Variants in RPS6KA2 observed in about 807,000 individuals in gnomAD.
RPS6KA2 encodes the protein ribosomal protein S6 kinase A2.
A neutral mutation model predicts 91.8 loss-of-function variants in RPS6KA2; 42 were observed. The ratio of observed to expected loss-of-function variants is 0.46; its 90% CI spans 0.36 to 0.59. The LOEUF (loss-of-function observed/expected upper bound fraction) is 0.59. Among genes scored for constraint, RPS6KA2 ranks in the 20% least tolerant of loss-of-function variants. RPS6KA2 has a pLI of 0.00. For synonymous variants in RPS6KA2, 414 were observed against 393.6 expected (o/e 1.05, Z -0.61); for missense variants, 798 against 978.5 (o/e 0.82, Z 2.46).
chr6:166,830,826 C>T (rs1001855828), intron 2 of RPS6KA2, among the ~76,000 whole-genome samples: 9 of 152,200 alleles, frequency 5.9e-5, no homozygotes, highest in Admixed American at 1.3e-4. Context: ...CACAGCCTTC[C>T]GTCCTGGCAC....
At chr6:166,774,236 C>T (rs1778555339) in intron 2 of RPS6KA2, among the ~76,000 whole-genome samples, 1 of 152,214 alleles carries the variant, frequency 6.6e-6, no homozygotes, top group Non-Finnish European at 1.5e-5. Context: ...CGTGTGCTCA[C>T]AGCACCCCTG....
Position 166,697,057 on chromosome 6 carries a change from ATG to A in RPS6KA2, c.124-158275_124-158274del, listed in dbSNP as rs3071132. Among the ~76,000 whole-genome samples, 806 of 149,418 alleles carry A rather than the reference ATG, an allele frequency of 5.4e-3. 5 individuals carry two copies. The highest frequency in any genetic ancestry group is 0.015 in the African/African-American group (596 of 40,662). On this transcript the variant is annotated intron_variant, in intron 2 of 21. Coordinates refer to the RPS6KA2 transcript ENST00000503859. Reference sequence around the variant, plus strand: ...CAATAAAATCTGTGTGTGTATATATATGTGTGTGTGTGTGTGTGTGTGTATTT... The same window carrying A: ...CAATAAAATCTGTGTGTGTATATATATGTGTGTGTGTGTGTGTGTGTATTT...
chr6:166,806,110 A>T (rs949399288), intron 2 of RPS6KA2, among the ~76,000 whole-genome samples: 2 of 152,216 alleles, frequency 1.3e-5, no homozygotes, highest in African/African-American at 4.8e-5. Context: ...AATTGAACAG[A>T]GTCTAAGGTA....
chr6:166,761,204 C>A (rs1192407465), intron 2 of RPS6KA2, among the ~76,000 whole-genome samples: 1 of 152,106 alleles, frequency 6.6e-6, no homozygotes, highest in Non-Finnish European at 1.5e-5. Context: ...GCCACCGCAC[C>A]CGGCTAAATT....
rs982655972 is a variant in RPS6KA2, at chr6:166,612,503, T to A, written c.99+14418A>T. 7.9e-5 allele frequency among the ~76,000 whole-genome samples: 12 copies of A among 152,016 alleles called. No individual in the cohort carries two copies. The highest frequency in any genetic ancestry group is 2.9e-4 in the African/African-American group (12 of 41,372). On this transcript the variant is annotated intron_variant, in intron 1 of 20. Transcript: ENST00000265678. The surrounding 1 kb of genome is among the most constrained non-coding windows in gnomAD (Gnocchi z 4.3). ...TCGCGGGCTTGCAACCAGGCACTCT[T>A]CCTCTCTCCCTCCATGACAGACCAG...
rs894658978 is a variant in RPS6KA2 at position 166,726,260 on chromosome 6, G to C, written c.123+131940C>G. On this transcript the variant is annotated intron_variant, in intron 2 of 21. Coordinates refer to the RPS6KA2 transcript ENST00000503859. The surrounding 1 kb of genome is among the most constrained non-coding windows in gnomAD (Gnocchi z 4.4). ...TAAACTGAAAAGCAGACAGTACCTAGGACAAGGACAGACCAGAGGCTGACG... is the reference window on the plus strand; with the variant it reads ...TAAACTGAAAAGCAGACAGTACCTACGACAAGGACAGACCAGAGGCTGACG... 6.6e-6 allele frequency among the ~76,000 whole-genome samples: 1 copy of C among 152,122 alleles called. No individual in the cohort carries two copies. The highest frequency in any genetic ancestry group is 1.5e-5 in the Non-Finnish European group (1 of 68,036).
chr6:166,657,524 G>A (rs1304383553), intron 2 of RPS6KA2, among the ~76,000 whole-genome samples: 1 of 152,174 alleles, frequency 6.6e-6, no homozygotes, highest in East Asian at 1.9e-4. Flanking sequence ...CTAACGACAC[G>A]GAACCCTTGT....
intron 2 of RPS6KA2, among the ~76,000 whole-genome samples, chr6:166,646,708 C>G (rs1277575061): frequency 4.6e-5 from 7 of 152,204 alleles, no homozygotes; most frequent in Non-Finnish European, 8.8e-5. Flanking sequence ...AAGAAGTGAA[C>G]CCCTAAGCCC....
chr6:166,765,357 C>T (rs536029716), intron 2 of RPS6KA2, among the ~76,000 whole-genome samples: 5 of 152,338 alleles, frequency 3.3e-5, no homozygotes, highest in African/African-American at 9.6e-5. Flanking sequence ...TGACGACCCA[C>T]GGCCACGAGC....
chr6:166,491,713 C>T (rs3817782), intron 8 of RPS6KA2, among the ~76,000 whole-genome samples: 79,487 of 151,958 alleles, frequency 0.52, 22,060 homozygotes, highest in African/African-American at 0.7. Context: ...CTTTGCAGTT[C>T]GAAAATCTCA....
chr6:166,783,872 T>TATCTGTA (rs1562437419), intron 2 of RPS6KA2, among the ~76,000 whole-genome samples: 9 of 106,256 alleles, frequency 8.5e-5, no homozygotes, highest in African/African-American at 3.3e-4. Flanking sequence ...CGTGCACACC[T>TATCTGTA]ACGCATCACC....
intron 2 of RPS6KA2, among the ~76,000 whole-genome samples, chr6:166,723,363 C>T (rs928766692): frequency 2.0e-4 from 31 of 152,294 alleles, no homozygotes; most frequent in Non-Finnish European, 4.0e-4. Flanking sequence ...CTGCCTTCCT[C>T]ACCCCAGGGG....
chr6:166,768,179 G>A (rs1266736957), intron 2 of RPS6KA2, among the ~76,000 whole-genome samples: 8 of 152,196 alleles, frequency 5.3e-5, no homozygotes, highest in East Asian at 3.9e-4. Flanking sequence ...GGGCCTCAGC[G>A]GGCAGCAGTG....
At chr6:166,594,248 T>C (rs1785455926) in intron 1 of RPS6KA2, among the ~76,000 whole-genome samples, 1 of 152,182 alleles carries the variant, frequency 6.6e-6, no homozygotes, top group African/African-American at 2.4e-5. Context: ...GAACTGCACA[T>C]ATGTATACAT....
At chr6:166,832,144 G>A (rs77834494) in intron 2 of RPS6KA2, among the ~76,000 whole-genome samples, 19,697 of 152,078 alleles carry the variant, frequency 0.13, 1,493 homozygotes, top group East Asian at 0.28. Context: ...TATAAGATGC[G>A]TACCAGATTT....
intron 2 of RPS6KA2, among the ~76,000 whole-genome samples, chr6:166,742,294 A>C (rs758005986): frequency 6.6e-6 from 1 of 152,226 alleles, no homozygotes; most frequent in Non-Finnish European, 1.5e-5. Context: ...AGGCAGCTCA[A>C]GAAGAAATCT....
chr6:166,618,848 T>G (rs919260592), intron 1 of RPS6KA2, among the ~76,000 whole-genome samples: 1 of 152,212 alleles, frequency 6.6e-6, no homozygotes, highest in Admixed American at 6.5e-5. Flanking sequence ...GACACCGCAG[T>G]ACGACGCGCT....
chr6:166,626,869 C>G lies in RPS6KA2; in HGVS notation c.99+52G>C. On this transcript the variant is annotated intron_variant, in intron 1 of 20. Transcript: ENST00000265678. This position sits in a 1 kb window ranked among gnomAD's most constrained non-coding sequence, Gnocchi z 4.1. ...GGGTGGCGAGGCGGGCTCGGGCGAC[C>G]ACGGCCCGCTCAGTGCCCGGCACCT... The G allele has an allele frequency of 7.2e-7, 1 of 1,381,748 alleles. No individual in the cohort carries two copies. Among genetic ancestry groups the G allele is most frequent in the Non-Finnish European group, 9.5e-7 (1 of 1,054,290 alleles). 85.6% of individuals were successfully genotyped at this position (1,381,748 alleles called of 1,614,324 possible). A position where few individuals can be genotyped will look rare whatever the true frequency, so the allele number is the denominator to read the frequency against.
At chr6:166,704,760 C>T (rs900842955) in intron 2 of RPS6KA2, among the ~76,000 whole-genome samples, 22 of 152,234 alleles carry the variant, frequency 1.4e-4, no homozygotes, top group African/African-American at 4.8e-4. Flanking sequence ...AAGCCTGTAA[C>T]TGTCCTGTCT....
Sources: gnomAD v4.1 joint callset for allele counts (sites outside exome capture counted in the v4.1 genomes callset) on GRCh38, gnomAD v4.1.1 for gene constraint, Gnocchi (gnomAD v3.1) non-coding constraint, MANE v1.5 for transcripts, NCBI Gene and HGNC (gene_info 2026-07-23, HGNC 2026-07-21) for gene names.